ARHGAP32: variants seen among roughly 807,000 people sequenced by gnomAD.
ARHGAP32 encodes Rho GTPase activating protein 32, also known as rho GTPase-activating protein 32.
A neutral mutation model predicts 186.5 loss-of-function variants in ARHGAP32; 51 were observed. The ratio of observed to expected loss-of-function variants is 0.27; its 90% CI spans 0.22 to 0.35. The LOEUF (loss-of-function observed/expected upper bound fraction) is 0.35, where lower values mean the gene tolerates loss of function less well. Among genes scored for constraint, ARHGAP32 ranks in the 10% least tolerant of loss-of-function variants. The probability of loss-of-function intolerance (pLI) is 1.00; values close to 1 mark genes in which losing one functional copy is unlikely to be tolerated. For synonymous variants in ARHGAP32, 950 were observed against 964.3 expected (o/e 0.99, Z 0.27); for missense variants, 2,186 against 2,623.5 (o/e 0.83, Z 3.64).
At chr11:129,249,330 TAC>T (rs936778678) in intron 1 of ARHGAP32, among the ~76,000 whole-genome samples, 1 of 151,576 alleles carries the variant, frequency 6.6e-6, no homozygotes, top group Non-Finnish European at 1.5e-5. Context: ...TATATATATA[TAC>T]ACACACACAT....
chr11:129,233,646 C>A (rs1944887761), intron 1 of ARHGAP32, among the ~76,000 whole-genome samples: 1 of 149,916 alleles, frequency 6.7e-6, no homozygotes. Context: ...CTGCAACAAT[C>A]TAAATGTTTT....
At chr11:129,112,779 C>CA (rs1942263154) in intron 5 of ARHGAP32, among the ~76,000 whole-genome samples, 1 of 152,084 alleles carries the variant, frequency 6.6e-6, no homozygotes, top group Non-Finnish European at 1.5e-5. Flanking sequence ...AAATATAAAT[C>CA]AAAATACCAA....
chr11:129,166,246 G>A (rs1943638116), intron 1 of ARHGAP32, among the ~76,000 whole-genome samples: 1 of 152,034 alleles, frequency 6.6e-6, no homozygotes, highest in South Asian at 2.1e-4. Context: ...TAAAGGATGA[G>A]AGACTTGGTT....
rs1279800646 is a variant in ARHGAP32, at chr11:128,970,307, G to A, written c.4906C>T (p.Pro1636Ser). 1 of 1,614,200 alleles carries A rather than the reference G, an allele frequency of 6.2e-7. No individual in the cohort carries two copies. Among genetic ancestry groups the A allele is most frequent in the Non-Finnish European group, 8.5e-7 (1 of 1,180,034 alleles). ...YCPRPLYQYK[P>S]YQSSQARSDY... ...GAGCGGGCCTGGGAGGACTGATATG[G>A]CTTATATTGGTACAGAGGTCTTGGG... The change falls in exon 23 of 23, where the codon CCA becomes TCA. Residue 1636 changes from proline (P) to serine (S), a missense_variant. Transcript: ENST00000682385. The surrounding 1 kb of genome is among the most constrained non-coding windows in gnomAD (Gnocchi z 5.8).
intron 1 of ARHGAP32, among the ~76,000 whole-genome samples, chr11:129,198,193 T>G (rs551311609): frequency 2.6e-5 from 4 of 152,352 alleles, no homozygotes; most frequent in Admixed American, 1.3e-4. Context: ...AATGGCTATC[T>G]TAAAATACAT....
At chr11:129,022,199 G>T (rs1938623388) in intron 11 of ARHGAP32, among the ~76,000 whole-genome samples, 1 of 151,986 alleles carries the variant, frequency 6.6e-6, no homozygotes, top group Non-Finnish European at 1.5e-5. Context: ...TCTAGAAATT[G>T]GAAAACTTAG....
chr11:129,219,787 T>C (rs568971956), intron 1 of ARHGAP32, among the ~76,000 whole-genome samples: 35 of 152,188 alleles, frequency 2.3e-4, no homozygotes, highest in African/African-American at 7.9e-4. Context: ...GTGAAAAAAG[T>C]AGAGACATGC....
chr11:129,218,693 C>T (rs1354060740), intron 1 of ARHGAP32, among the ~76,000 whole-genome samples: 2 of 152,022 alleles, frequency 1.3e-5, no homozygotes, highest in South Asian at 2.1e-4. Flanking sequence ...CAAATGAAAG[C>T]GTCTGACGCA....
At chr11:129,079,040 A>G (rs895093492) in intron 6 of ARHGAP32, among the ~76,000 whole-genome samples, 1 of 152,186 alleles carries the variant, frequency 6.6e-6, no homozygotes, top group African/African-American at 2.4e-5. Flanking sequence ...AAGGCTTTCA[A>G]TTAACCCAAT....
At chr11:129,032,620 G>A (rs553312979) in intron 11 of ARHGAP32, among the ~76,000 whole-genome samples, 1 of 152,236 alleles carries the variant, frequency 6.6e-6, no homozygotes, top group East Asian at 1.9e-4. Context: ...CTTTGTGGTG[G>A]ATGCAAAGTA....
intron 1 of ARHGAP32, among the ~76,000 whole-genome samples, chr11:129,208,078 T>C (rs762434380): frequency 2.6e-5 from 4 of 152,164 alleles, no homozygotes; most frequent in East Asian, 3.9e-4. Context: ...CTCTGATTCA[T>C]TCCTACCGTT....
chr11:129,096,525 C>T (rs1468818679), intron 5 of ARHGAP32, among the ~76,000 whole-genome samples: 1 of 152,076 alleles, frequency 6.6e-6, no homozygotes, highest in Non-Finnish European at 1.5e-5. Flanking sequence ...CTATACCCCC[C>T]CGGCCCCGCC....
At chr11:129,086,126 C>A (rs1344465710) in intron 6 of ARHGAP32, among the ~76,000 whole-genome samples, 1 of 151,640 alleles carries the variant, frequency 6.6e-6, no homozygotes, top group Non-Finnish European at 1.5e-5. Context: ...AGAAACAGAC[C>A]CATATAAAAG....
At chr11:129,025,357 G>A (rs1386563612) in intron 11 of ARHGAP32, among the ~76,000 whole-genome samples, 1 of 152,132 alleles carries the variant, frequency 6.6e-6, no homozygotes, top group African/African-American at 2.4e-5. Context: ...ACATAGAATT[G>A]TTGATAAATG....
chr11:129,084,233 A>G lies in ARHGAP32; in HGVS notation c.531+9388T>C, dbSNP rs1435042513. On this transcript the variant is annotated intron_variant, in intron 6 of 22. Coordinates refer to ENST00000682385, the MANE Select transcript of ARHGAP32 (RefSeq NM_001378024.1). ...ACCAAACATTTAAGAAAGAAATTAT[A>G]GCAAGTCTCTATATCTCTTCCAGAA... 7.2e-5 allele frequency among the ~76,000 whole-genome samples: 11 copies of G among 152,192 alleles called. 1 individual carries two copies. The South Asian group carries it at 2.3e-3, about 32-fold the overall frequency.
intron 12 of ARHGAP32, chr11:128,993,256 C>T (rs1028731740): frequency 6.6e-5 from 10 of 152,096 alleles, no homozygotes; most frequent in East Asian, 1.9e-4. Flanking sequence ...GAATGCTTCA[C>T]GAATTTGTGT....
intron 1 of ARHGAP32, among the ~76,000 whole-genome samples, chr11:129,183,320 G>A (rs1199057249): frequency 6.6e-6 from 1 of 151,536 alleles, no homozygotes; most frequent in Non-Finnish European, 1.5e-5. Context: ...AAAGTTTCTT[G>A]GTTAAATTAT....
intron 5 of ARHGAP32, among the ~76,000 whole-genome samples, chr11:129,118,532 A>AT (rs1384655976): frequency 5.3e-5 from 8 of 152,132 alleles, no homozygotes; most frequent in Admixed American, 2.0e-4. Context: ...TAAATGAACA[A>AT]TTTTTAAGAA....
intron 11 of ARHGAP32, among the ~76,000 whole-genome samples, chr11:129,006,471 T>C (rs1237152303): frequency 6.6e-6 from 1 of 152,236 alleles, no homozygotes; most frequent in Non-Finnish European, 1.5e-5. Flanking sequence ...CTGTAGTTCC[T>C]GCAGATTTGT....
Sources: allele counts gnomAD v4.1 joint callset (sites outside exome capture counted in the v4.1 genomes callset), GRCh38; gene constraint gnomAD v4.1.1; non-coding constraint Gnocchi (gnomAD v3.1); transcripts MANE v1.5; gene names NCBI Gene and HGNC (gene_info 2026-07-23, HGNC 2026-07-21).